Variants in UBE2QL1 observed in about 807,000 individuals in gnomAD.
UBE2QL1 encodes the protein ubiquitin conjugating enzyme E2 QL1, also known as ubiquitin-conjugating enzyme E2Q-like protein 1.
In UBE2QL1, 5 loss-of-function variants were observed where a neutral mutation model predicts 12.6. That is an observed-to-expected ratio of 0.40 (90% confidence interval 0.21 to 0.83). The LOEUF is 0.83. Ranked by LOEUF, UBE2QL1 falls within the 40% of genes least tolerant of loss-of-function variation. The probability of loss-of-function intolerance (pLI) is 0.37; values close to 1 mark genes in which losing one functional copy is unlikely to be tolerated. For synonymous variants in UBE2QL1, 96 were observed against 94.5 expected (o/e 1.02, Z -0.10); for missense variants, 99 against 222.6 (o/e 0.44, Z 3.53).
At chr5:6,452,447 T>G (rs1739429659) in intron 1 of UBE2QL1, among the ~76,000 whole-genome samples, 1 of 152,010 alleles carries the variant, frequency 6.6e-6, no homozygotes, top group African/African-American at 2.4e-5. Context: ...AGAGGCATTT[T>G]TAGGTAACTC....
rs1734317043 is a variant in UBE2QL1 at position 6,479,567 on chromosome 5, A to T, written c.355-11651A>T. ...TCTGTATCCTCCGGTGAGTCTGTCC[A>T]TCATAAAAAGGGCAGAGGCTGTGCT... On this transcript the variant is annotated intron_variant, in intron 1 of 1. Coordinates refer to ENST00000399816, the MANE Select transcript of UBE2QL1 (RefSeq NM_001145161.3). This position sits in a 1 kb window ranked among gnomAD's most constrained non-coding sequence, Gnocchi z 4.2. Among the ~76,000 whole-genome samples the T allele has an allele frequency of 6.6e-6, 1 of 152,194 alleles. No individual in the cohort carries two copies. The highest frequency in any genetic ancestry group is 2.4e-5 in the African/African-American group (1 of 41,436).
At chr5:6,470,013 A>C (rs1739876117) in intron 1 of UBE2QL1, among the ~76,000 whole-genome samples, 1 of 152,202 alleles carries the variant, frequency 6.6e-6, no homozygotes, top group Non-Finnish European at 1.5e-5. Flanking sequence ...ATTATAAGAC[A>C]ACAGCGATGC....
rs141801115 is a variant in UBE2QL1 at position 6,454,778 on chromosome 5, G to A, written c.354+5531G>A. ...CGCCATCTGATTCGTCCAGGGAGAC[G>A]TGGATTTTTGGTAGCGTGCTTATGA... On this transcript the variant is annotated intron_variant, in intron 1 of 1. Transcript: ENST00000399816. Among the ~76,000 whole-genome samples, 66 of 152,292 alleles carry A rather than the reference G, an allele frequency of 4.3e-4. 1 individual carries two copies. The highest frequency in any genetic ancestry group is 1.5e-3 in the African/African-American group (63 of 41,570).
chr5:6,454,932 A>G (rs1028928270), intron 1 of UBE2QL1, among the ~76,000 whole-genome samples: 4 of 152,096 alleles, frequency 2.6e-5, no homozygotes, highest in Admixed American at 6.5e-5. Flanking sequence ...TCTTCTATCA[A>G]GTAGGGCAGG....
chr5:6,482,995 C>T (rs1012645905), intron 1 of UBE2QL1, among the ~76,000 whole-genome samples: 12 of 152,228 alleles, frequency 7.9e-5, no homozygotes, highest in Non-Finnish European at 1.5e-4. Context: ...GCGCACCACC[C>T]ACCACGCCAG....
chr5:6,465,741 C>G (rs1318613468), intron 1 of UBE2QL1, among the ~76,000 whole-genome samples: 1 of 152,198 alleles, frequency 6.6e-6, no homozygotes, highest in Non-Finnish European at 1.5e-5. Flanking sequence ...GCGTGGGAAT[C>G]GCTGCTGGAA....
At chr5:6,467,297 C>T (rs1739818017) in intron 1 of UBE2QL1, among the ~76,000 whole-genome samples, 1 of 152,040 alleles carries the variant, frequency 6.6e-6, no homozygotes, top group African/African-American at 2.4e-5. Context: ...TCCCCACAGG[C>T]TGGGGGCTTC....
At position 6,496,677 on chromosome 5, in the gene UBE2QL1, A is replaced by G; in HGVS notation, c.*5328A>G. 6.6e-6 allele frequency among the ~76,000 whole-genome samples: 1 copy of G among 152,166 alleles called. No individual in the cohort carries two copies. Among genetic ancestry groups the G allele is most frequent in the East Asian group, 1.9e-4 (1 of 5,196 alleles). ...CCCTAATGAGAAAAAAAAAACAATGATTCTAGAAAATAAAACTTTAAAACC... is the reference window on the plus strand; with the variant it reads ...CCCTAATGAGAAAAAAAAAACAATGGTTCTAGAAAATAAAACTTTAAAACC... On this transcript the variant is annotated 3_prime_UTR_variant, in exon 2 of 2. Transcript: ENST00000399816.
At chr5:6,467,017 T>C (rs1394824663) in intron 1 of UBE2QL1, among the ~76,000 whole-genome samples, 1 of 152,212 alleles carries the variant, frequency 6.6e-6, no homozygotes, top group Non-Finnish European at 1.5e-5. Flanking sequence ...CTGTTTATTT[T>C]GTTAAGTAAC....
intron 1 of UBE2QL1, among the ~76,000 whole-genome samples, chr5:6,457,332 T>G (rs1739546622): frequency 6.6e-6 from 1 of 151,988 alleles, no homozygotes; most frequent in Non-Finnish European, 1.5e-5. Context: ...CAACCACTCC[T>G]TCAATAAAAG....
At chr5:6,469,986 T>C (rs1165666340) in intron 1 of UBE2QL1, among the ~76,000 whole-genome samples, 1 of 152,186 alleles carries the variant, frequency 6.6e-6, no homozygotes, top group East Asian at 1.9e-4. Flanking sequence ...GGCGGGACCC[T>C]GCAATGGTCT....
intron 1 of UBE2QL1, among the ~76,000 whole-genome samples, chr5:6,449,875 CCA>C (rs1553987108): frequency 1.4e-5 from 2 of 147,990 alleles, no homozygotes; most frequent in South Asian, 2.1e-4. Context: ...CCAACCCCCC[CCA>C]CACACACACA....
Position 6,496,720 on chromosome 5 carries a change from G to A in UBE2QL1, c.*5371G>A, listed in dbSNP as rs1029103963. Among the ~76,000 whole-genome samples the A allele has an allele frequency of 5.9e-5, 9 of 152,072 alleles. No individual in the cohort carries two copies. Among genetic ancestry groups the A allele is most frequent in the African/African-American group, 1.9e-4 (8 of 41,410 alleles). ...TTAAAACCAATAAACGTCTTTACAC[G>A]GAATGCTTGCTGTGTCCTCGCATGG... On this transcript the variant is annotated 3_prime_UTR_variant, in exon 2 of 2. Coordinates refer to ENST00000399816, the MANE Select transcript of UBE2QL1 (RefSeq NM_001145161.3).
intron 1 of UBE2QL1, among the ~76,000 whole-genome samples, chr5:6,449,989 G>A (rs1224405046): frequency 6.6e-6 from 1 of 151,364 alleles, no homozygotes; most frequent in Admixed American, 6.6e-5. Flanking sequence ...CCTTCTTCTG[G>A]GCTGCCTCTC....
intron 1 of UBE2QL1, among the ~76,000 whole-genome samples, chr5:6,480,579 T>C (rs191161337): frequency 6.6e-6 from 1 of 152,238 alleles, no homozygotes; most frequent in Non-Finnish European, 1.5e-5. Flanking sequence ...ATTACATTTT[T>C]AGCAAAAAGT....
intron 1 of UBE2QL1, among the ~76,000 whole-genome samples, chr5:6,466,092 C>T (rs1045878581): frequency 6.6e-6 from 1 of 151,980 alleles, no homozygotes; most frequent in Non-Finnish European, 1.5e-5. Context: ...CTGAGCAGTG[C>T]GGGGAGGCAT....
intron 1 of UBE2QL1, among the ~76,000 whole-genome samples, chr5:6,473,413 G>A (rs145644392): frequency 1.4e-3 from 220 of 152,318 alleles, no homozygotes; most frequent in African/African-American, 5.1e-3. Context: ...GGTGACAGCA[G>A]GGTGAGGGGA....
At chr5:6,468,179 C>T (rs966341075) in intron 1 of UBE2QL1, among the ~76,000 whole-genome samples, 3 of 152,168 alleles carry the variant, frequency 2.0e-5, no homozygotes, top group Admixed American at 2.0e-4. Context: ...AACAGTGTTC[C>T]TTTCTCTCCT....
intron 1 of UBE2QL1, among the ~76,000 whole-genome samples, chr5:6,461,848 T>A (rs954094285): frequency 2.6e-5 from 4 of 152,208 alleles, no homozygotes; most frequent in Non-Finnish European, 5.9e-5. Flanking sequence ...ATCCCCACCT[T>A]GGCTCCAGTC....
Sources: allele counts gnomAD v4.1 joint callset (sites outside exome capture counted in the v4.1 genomes callset), GRCh38; gene constraint gnomAD v4.1.1; non-coding constraint Gnocchi (gnomAD v3.1); transcripts MANE v1.5; gene names NCBI Gene and HGNC (gene_info 2026-07-23, HGNC 2026-07-21).